Variants in FANCL observed in about 807,000 individuals in gnomAD.
FANCL encodes the protein E3 ubiquitin-protein ligase FANCL.
FANCL carries 69 observed loss-of-function variants against 59.4 expected under a neutral mutation model. The observed-to-expected ratio is 1.16, with a 90% confidence interval of 0.96 to 1.42. FANCL has a LOEUF of 1.42. FANCL is among the 40% of genes most tolerant of loss of function. The probability of loss-of-function intolerance (pLI) is 0.00; values close to 1 mark genes in which losing one functional copy is unlikely to be tolerated. For missense variants in FANCL, 519 were observed against 447.2 expected (o/e 1.16, Z -1.45); for synonymous variants, 180 against 147.1 (o/e 1.22, Z -1.62).
At chr2:58,224,062 GA>G (rs2103792205) in intron 4 of FANCL, among the ~76,000 whole-genome samples, 1 of 151,860 alleles carries the variant, frequency 6.6e-6, no homozygotes, top group African/African-American at 2.4e-5. Context: ...TTCAGAAATT[GA>G]ATAAATATAC....
At chr2:58,180,959 C>A (rs1687882776) in intron 7 of FANCL, among the ~76,000 whole-genome samples, 1 of 152,088 alleles carries the variant, frequency 6.6e-6, no homozygotes, top group South Asian at 2.1e-4. Flanking sequence ...CTCTCATATA[C>A]TGTCAGTGCG....
intron 7 of FANCL, among the ~76,000 whole-genome samples, chr2:58,172,869 G>A (rs991893615): frequency 5.9e-5 from 9 of 152,084 alleles, no homozygotes; most frequent in South Asian, 2.1e-4. Flanking sequence ...AACCAAAGGC[G>A]AAGAAGCTGA....
chr2:58,229,776 T>G (rs376851945), intron 3 of FANCL, 38 bp downstream of exon 3: 1 of 1,427,162 alleles, frequency 7.0e-7, no homozygotes, highest in South Asian at 1.1e-5. Context: ...TAATTTCTTA[T>G]CTTCACTGAA....
At chr2:58,194,152 C>A (rs1041144179) in intron 7 of FANCL, 1 of 468,862 alleles carries the variant, frequency 2.1e-6, no homozygotes, top group Non-Finnish European at 4.4e-6. Flanking sequence ...CTATTTACTA[C>A]ACCACACTGA....
At chr2:58,214,599 A>C (rs1691519424) in intron 5 of FANCL, among the ~76,000 whole-genome samples, 2 of 152,004 alleles carry the variant, frequency 1.3e-5, no homozygotes, top group Admixed American at 1.3e-4. Flanking sequence ...GCCTCGACCT[A>C]CCCAGGCTCA....
At chr2:58,184,457 G>A (rs767048675) in intron 7 of FANCL, among the ~76,000 whole-genome samples, 3 of 151,964 alleles carry the variant, frequency 2.0e-5, no homozygotes, top group Non-Finnish European at 4.4e-5. Context: ...TTCTTAACAG[G>A]AATAGCAAAA....
At chr2:58,236,050 C>CAAAAAAAAAAAAAGAAAAAAA (rs1693990587) in intron 1 of FANCL, among the ~76,000 whole-genome samples, 1 of 84,086 alleles carries the variant, frequency 1.2e-5, no homozygotes, top group Admixed American at 1.2e-4. Flanking sequence ...AAAGGAGGAA[C>CAAAAAAAAAAAAAGAAAAAAA]AAAAAAAAAA....
intron 5 of FANCL, among the ~76,000 whole-genome samples, chr2:58,209,255 C>G (rs1189311070): frequency 6.6e-6 from 1 of 152,110 alleles, no homozygotes; most frequent in Non-Finnish European, 1.5e-5. Flanking sequence ...GTATATATGA[C>G]AATGTAGAGG....
intron 9 of FANCL, 23 bp downstream of exon 9, chr2:58,163,411 C>A (rs765079182): frequency 6.6e-7 from 1 of 1,511,970 alleles, no homozygotes; most frequent in Non-Finnish European, 9.2e-7. Context: ...TATTAAAAAA[C>A]GTTTAAATCT....
chr2:58,224,195 T>C (rs907138337), intron 4 of FANCL, among the ~76,000 whole-genome samples: 4 of 151,846 alleles, frequency 2.6e-5, no homozygotes, highest in Non-Finnish European at 4.4e-5. Context: ...TTATTTTTGA[T>C]AAGAAGAGTT....
intron 7 of FANCL, among the ~76,000 whole-genome samples, chr2:58,171,227 A>T (rs955014338): frequency 6.6e-6 from 1 of 152,208 alleles, no homozygotes; most frequent in Non-Finnish European, 1.5e-5. Flanking sequence ...CTCACTCAAA[A>T]CTGCACAACT....
At chr2:58,176,421 C>T (rs1018404411) in intron 7 of FANCL, among the ~76,000 whole-genome samples, 24 of 151,694 alleles carry the variant, frequency 1.6e-4, no homozygotes, top group Non-Finnish European at 1.3e-4. Flanking sequence ...GGTACTGGTA[C>T]CAAAACAGAG....
At chr2:58,162,995 C>CA (rs1008510137) in intron 10 of FANCL, 34 bp downstream of exon 10, 13 of 1,611,708 alleles carry the variant, frequency 8.1e-6, no homozygotes, top group Non-Finnish European at 1.0e-5. Context: ...GTAAAATCAC[C>CA]AAAAAGTAAA....
chr2:58,176,992 A>AAAGAAGACATTTATGCAGCC (rs1357802628), intron 7 of FANCL, among the ~76,000 whole-genome samples: 2 of 152,206 alleles, frequency 1.3e-5, no homozygotes, highest in Non-Finnish European at 2.9e-5. Flanking sequence ...ACACTTCTCA[A>AAAGAAGACATTTATGCAGCC]AAGAAGACAT....
chr2:58,214,529 T>C (rs1336470291), intron 5 of FANCL, among the ~76,000 whole-genome samples: 1 of 152,178 alleles, frequency 6.6e-6, no homozygotes, highest in African/African-American at 2.4e-5. Flanking sequence ...GTTGCTCTTG[T>C]TGACAGGGTC....
chr2:58,218,597 A>C (rs1692080272), intron 5 of FANCL, among the ~76,000 whole-genome samples: 1 of 151,830 alleles, frequency 6.6e-6, no homozygotes, highest in Non-Finnish European at 1.5e-5. Flanking sequence ...AGTAACTGAA[A>C]ATGAGTGAAG....
At chr2:58,230,189 A>G (rs768975596) in intron 2 of FANCL, among the ~76,000 whole-genome samples, 1 of 152,252 alleles carries the variant, frequency 6.6e-6, no homozygotes, top group African/African-American at 2.4e-5. Context: ...TAAAACCAAC[A>G]GTTTTGATAA....
At chr2:58,195,597 A>G (rs894261553) in intron 7 of FANCL, among the ~76,000 whole-genome samples, 2 of 152,144 alleles carry the variant, frequency 1.3e-5, no homozygotes, top group Non-Finnish European at 2.9e-5. Flanking sequence ...TAAACTCTGT[A>G]TGACAAAATA....
chr2:58,159,912 CTTCTGAAGTTTCAGATCACCTA>C (rs1684849245), intron 13 of FANCL, 112 bp from the exon 14 acceptor site: 1 of 1,543,956 alleles, frequency 6.5e-7, no homozygotes, highest in Admixed American at 2.1e-5. Context: ...TTGGAAAACA[CTTCTGAAGTTTCAGATCACCTA>C]GGAAATCTAG....
Sources: gnomAD v4.1 joint callset for allele counts (sites outside exome capture counted in the v4.1 genomes callset) on GRCh38, gnomAD v4.1.1 for gene constraint, MANE v1.5 for transcripts, NCBI Gene and HGNC (gene_info 2026-07-23, HGNC 2026-07-21) for gene names.